FKTN: variants seen among roughly 807,000 people sequenced by gnomAD.
FKTN encodes the protein ribitol-5-phosphate transferase FKTN.
FKTN carries 47 observed loss-of-function variants against 58.6 expected under a neutral mutation model. The observed-to-expected ratio is 0.80, with a 90% CI of 0.63 to 1.02. The LOEUF is 1.02. FKTN is among the 50% of genes least tolerant of loss of function. The pLI, the probability that FKTN is intolerant of heterozygous loss-of-function variation, is 0.00. For missense variants in FKTN, 516 were observed against 537.3 expected (o/e 0.96, Z 0.39); for synonymous variants, 178 against 191.9 (o/e 0.93, Z 0.60).
chr9:105,577,599 G>C (rs1841984508), intron 3 of FKTN, among the ~76,000 whole-genome samples: 1 of 148,062 alleles, frequency 6.8e-6, no homozygotes, highest in Non-Finnish European at 1.5e-5. Flanking sequence ...AAGTCAGGTA[G>C]CGTGATGCCT....
Position 105,637,018 on chromosome 9 carries a change from A to G in FKTN, c.*1754A>G, listed in dbSNP as rs1200563169. On this transcript the variant is annotated 3_prime_UTR_variant, in exon 11 of 11. Coordinates refer to ENST00000357998, the MANE Select transcript of FKTN (RefSeq NM_001079802.2). ...CAGCAAACTTGTCCCAAAATGGCAC[A>G]TCATCATAATCCATTTTCTCTTTGC... 6.0e-6 allele frequency: 6 copies of G among 997,212 alleles called. No individual in the cohort carries two copies. Among genetic ancestry groups the G allele is most frequent in the Non-Finnish European group, 6.0e-6 (5 of 836,088 alleles). The allele number at this position is 997,212 out of a possible 1,614,324, so 61.8% of individuals were successfully genotyped here.
At chr9:105,603,411 G>A (rs1489080730) in intron 5 of FKTN, among the ~76,000 whole-genome samples, 1 of 152,166 alleles carries the variant, frequency 6.6e-6, no homozygotes, top group Non-Finnish European at 1.5e-5. Context: ...CAGTATGTTT[G>A]TTAATTTCTA....
intron 1 of FKTN, among the ~76,000 whole-genome samples, chr9:105,558,703 A>G (rs552328164): frequency 8.5e-5 from 13 of 152,112 alleles, no homozygotes; most frequent in Admixed American, 6.5e-4. Flanking sequence ...GCACGTTTCC[A>G]GTCGGTAAAA....
rs1466949949 is a variant in FKTN at position 105,577,870 on chromosome 9, G to A, written c.105+2733G>A. ...TGAGCAGTGGTTTGTAGTTCTCCTTGAAGAGGTCCTTCACATCCCTTGTAA... is the reference window on the plus strand; with the variant it reads ...TGAGCAGTGGTTTGTAGTTCTCCTTAAAGAGGTCCTTCACATCCCTTGTAA... On this transcript the variant is annotated intron_variant, in intron 3 of 10. Coordinates refer to ENST00000357998, the MANE Select transcript of FKTN (RefSeq NM_001079802.2). Among the ~76,000 whole-genome samples, 6 of 150,074 alleles carry A rather than the reference G, an allele frequency of 4.0e-5. No individual in the cohort carries two copies. The East Asian group carries it at 9.8e-4, about 24-fold the overall frequency.
intron 10 of FKTN, among the ~76,000 whole-genome samples, chr9:105,621,108 C>G (rs1227659736): frequency 6.6e-6 from 1 of 152,112 alleles, no homozygotes; most frequent in Non-Finnish European, 1.5e-5. Flanking sequence ...AAGCTTCTTT[C>G]ATTCTGCTTT....
intron 1 of FKTN, among the ~76,000 whole-genome samples, chr9:105,567,789 T>C (rs1466739270): frequency 6.6e-6 from 1 of 152,208 alleles, no homozygotes; most frequent in East Asian, 1.9e-4. Flanking sequence ...TGGAAAAAAC[T>C]ACTTTAGAGT....
At chr9:105,632,033 G>T (rs1395652284) in intron 10 of FKTN, among the ~76,000 whole-genome samples, 2 of 150,434 alleles carry the variant, frequency 1.3e-5, no homozygotes, top group East Asian at 3.9e-4. Flanking sequence ...GTCCAACAAT[G>T]ATAGACTGGA....
At chr9:105,606,521 C>T (rs974988079) in intron 6 of FKTN, among the ~76,000 whole-genome samples, 1 of 151,640 alleles carries the variant, frequency 6.6e-6, no homozygotes, top group Non-Finnish European at 1.5e-5. Context: ...AATGATGTTA[C>T]AGTCTACTTT....
rs1400845069 is a variant in FKTN at position 105,637,158 on chromosome 9, C to T, written c.*1894C>T. ...TAATACTATTTTTGGGCAAAATCCACCCTACTTGATGAGGACCATTTGCTT... is the reference window on the plus strand; with the variant it reads ...TAATACTATTTTTGGGCAAAATCCATCCTACTTGATGAGGACCATTTGCTT... On this transcript the variant is annotated 3_prime_UTR_variant, in exon 11 of 11. Transcript: ENST00000357998. 8.1e-6 allele frequency: 8 copies of T among 985,136 alleles called. No individual in the cohort carries two copies. In the African/African-American group the frequency reaches 1.4e-4, roughly 17 times the overall value. The allele number at this position is 985,136 out of a possible 1,614,324, so 61.0% of individuals were successfully genotyped here.
intron 2 of FKTN, chr9:105,574,281 A>G (rs1369881860): frequency 6.6e-6 from 1 of 152,062 alleles, no homozygotes; most frequent in Non-Finnish European, 1.5e-5. Flanking sequence ...GAATAAATGT[A>G]AGCATTTGAA....
chr9:105,566,090 T>G (rs1023359794), intron 1 of FKTN, among the ~76,000 whole-genome samples: 15 of 152,214 alleles, frequency 9.9e-5, no homozygotes, highest in African/African-American at 3.6e-4. Context: ...AAAGATGTGC[T>G]TTGAAACCAA....
chr9:105,601,306 CTT>C lies in FKTN; in HGVS notation c.329_330del (p.Phe110TyrfsTer13), dbSNP rs767865405. 6.8e-6 allele frequency: 11 copies of C among 1,611,944 alleles called. No homozygotes were observed. The South Asian group carries it at 1.1e-4, about 16-fold the overall frequency. On this transcript the variant is annotated frameshift_variant, in exon 5 of 11. Coordinates refer to ENST00000357998, the MANE Select transcript of FKTN (RefSeq NM_001079802.2). LOFTEE classifies it high-confidence loss of function. ...QCKFFCVPRD[F>X]TAFALQYHLW... is the part of the protein sequence containing the mutation. ...GCAAGTTTTTCTGTGTTCCAAGAGA[CTT>C]TACTGCATTTGCACTGCAGTATCAC...
At position 105,601,325 on chromosome 9, in the gene FKTN, C is replaced by T. The variant is rs119463991; in HGVS notation, c.346C>T (p.Gln116Ter). The change falls in exon 5 of 11, where the codon CAG (glutamine) becomes TAG (stop). Residue 116 changes from glutamine (Q) to a stop codon, truncating the protein, a stop_gained. Transcript: ENST00000357998. LOFTEE classifies it high-confidence loss of function. ...AAGAGACTTTACTGCATTTGCACTG[C>T]AGTATCACCTATGGAAGAATGAGGT... is the stretch of plus-strand genomic sequence containing the variant. ...VPRDFTAFAL[Q>*]YHLWKNEEGW... 4 of 1,607,904 alleles carry T rather than the reference C, an allele frequency of 2.5e-6. No homozygotes were observed. In the African/African-American group the frequency reaches 5.3e-5, roughly 21 times the overall value.
chr9:105,626,490 C>G (rs1474920375), intron 10 of FKTN, among the ~76,000 whole-genome samples: 1 of 152,096 alleles, frequency 6.6e-6, no homozygotes, highest in Non-Finnish European at 1.5e-5. Context: ...TAATCACCTC[C>G]CAAAGGTCTT....
In FKTN at chr9:105,607,851, T is replaced by TG; in HGVS notation, c.682dup (p.Glu228GlyfsTer19). The TG allele has an allele frequency of 6.2e-7, 1 of 1,613,034 alleles. No homozygotes were observed. The highest frequency in any genetic ancestry group is 8.5e-7 in the Non-Finnish European group (1 of 1,179,156). On this transcript the variant is annotated frameshift_variant, in exon 7 of 11. Transcript: ENST00000357998. LOFTEE classifies it high-confidence loss of function. ...TTACAGCAAGTTACTGTTGATGGAC[T>TG]GGAAGTTCTCATTCCAAAGGATCCA... is the stretch of plus-strand genomic sequence containing the variant.
chr9:105,575,649 C>T (rs995932219), intron 3 of FKTN, among the ~76,000 whole-genome samples: 1 of 152,048 alleles, frequency 6.6e-6, no homozygotes, highest in Non-Finnish European at 1.5e-5. Flanking sequence ...GAAAAGTTGC[C>T]AAACACTCCC....
intron 5 of FKTN, 108 bp downstream of exon 5, chr9:105,601,456 A>T: frequency 1.4e-6 from 1 of 729,090 alleles, no homozygotes; most frequent in South Asian, 1.6e-5. Context: ...GAAACACTTT[A>T]TAAATTGTAT....
At chr9:105,614,923 G>A (rs975754667) in intron 7 of FKTN, among the ~76,000 whole-genome samples, 22 of 144,722 alleles carry the variant, frequency 1.5e-4, no homozygotes, top group Admixed American at 3.6e-4. Context: ...TCATTCTGTC[G>A]CCCAGGCTGG....
chr9:105,577,339 T>C (rs2132074116), intron 3 of FKTN, among the ~76,000 whole-genome samples: 1 of 120,580 alleles, frequency 8.3e-6, no homozygotes, highest in Admixed American at 8.5e-5. Context: ...TTGAATTGAT[T>C]TTTGTATAAG....
Sources: gnomAD v4.1 joint callset for allele counts (sites outside exome capture counted in the v4.1 genomes callset) on GRCh38, gnomAD v4.1.1 for gene constraint, MANE v1.5 for transcripts, NCBI Gene and HGNC (gene_info 2026-07-23, HGNC 2026-07-21) for gene names.